Variants in EGFLAM observed in about 807,000 individuals in gnomAD.
EGFLAM encodes pikachurin.
EGFLAM carries 79 observed loss-of-function variants against 113.1 expected under a neutral mutation model. The observed-to-expected ratio is 0.70, with a 90% CI of 0.58 to 0.84. EGFLAM has a LOEUF of 0.84. Among genes scored for constraint, EGFLAM ranks in the 40% least tolerant of loss-of-function variants. The pLI, the probability that EGFLAM is intolerant of heterozygous loss-of-function variation, is 0.00. For synonymous variants in EGFLAM, 504 were observed against 487.6 expected, an observed-to-expected ratio of 1.03 and a Z score of -0.44; for missense variants, 1,265 against 1,291.6, an observed-to-expected ratio of 0.98 and a Z score of 0.32.
At chr5:38,428,661 C>G (rs931150077) in intron 14 of EGFLAM, among the ~76,000 whole-genome samples, 2 of 152,208 alleles carry the variant, frequency 1.3e-5, no homozygotes, top group Admixed American at 6.5e-5. Context: ...ATCAGCCCTC[C>G]TCCTGGACAG....
At chr5:38,271,730 C>A (rs1757769739) in intron 1 of EGFLAM, among the ~76,000 whole-genome samples, 1 of 152,164 alleles carries the variant, frequency 6.6e-6, no homozygotes, top group African/African-American at 2.4e-5. Flanking sequence ...CTCTCTTCTC[C>A]CTTTCTACTT....
intron 6 of EGFLAM, among the ~76,000 whole-genome samples, chr5:38,392,845 C>G (rs531797200): frequency 6.6e-6 from 1 of 152,272 alleles, no homozygotes; most frequent in African/African-American, 2.4e-5. Flanking sequence ...CCCCCTACCC[C>G]ACGACAGGCC....
At chr5:38,443,831 C>T (rs375674850) in intron 17 of EGFLAM, among the ~76,000 whole-genome samples, 5 of 148,156 alleles carry the variant, frequency 3.4e-5, no homozygotes, top group Admixed American at 6.8e-5. Context: ...AGTGCAGTGG[C>T]GTGATCTTGG....
chr5:38,445,024 G>C (rs1187103149), intron 17 of EGFLAM, among the ~76,000 whole-genome samples: 1 of 152,168 alleles, frequency 6.6e-6, no homozygotes, highest in Non-Finnish European at 1.5e-5. Context: ...GTCACTTCAA[G>C]CTCTGATGAT....
intron 1 of EGFLAM, among the ~76,000 whole-genome samples, chr5:38,279,995 T>G (rs1396533192): frequency 6.6e-6 from 1 of 152,152 alleles, no homozygotes; most frequent in Non-Finnish European, 1.5e-5. Context: ...CAATTTGATC[T>G]TTCAACTAAC....
intron 1 of EGFLAM, among the ~76,000 whole-genome samples, chr5:38,269,175 G>A (rs1436769381): frequency 6.6e-6 from 1 of 152,018 alleles, no homozygotes; most frequent in African/African-American, 2.4e-5. Flanking sequence ...GTGAGACCCT[G>A]CATCAACAGC....
At chr5:38,361,527 G>A (rs921929880) in intron 5 of EGFLAM, among the ~76,000 whole-genome samples, 1 of 152,158 alleles carries the variant, frequency 6.6e-6, no homozygotes, top group African/African-American at 2.4e-5. Context: ...TCTAGAGCAG[G>A]GGTGTCCAAT....
At position 38,427,128 on chromosome 5, in the gene EGFLAM, G is replaced by C. The variant is rs899757504; in HGVS notation, c.1930G>C (p.Asp644His). 2 of 1,613,970 alleles carry C rather than the reference G, an allele frequency of 1.2e-6. No homozygotes were observed. The highest frequency in any genetic ancestry group is 1.7e-6 in the Non-Finnish European group (2 of 1,180,022). ...GGAATTTGAGATCACATTTCGGCCAGACTCAGGAGATGGTGTCCTCCTGTA... is the reference window on the plus strand; with the variant it reads ...GGAATTTGAGATCACATTTCGGCCACACTCAGGAGATGGTGTCCTCCTGTA... ...FMEFEITFRP[D>H]SGDGVLLYSY... Residue 644 changes from aspartate to histidine, a missense_variant, in exon 14 of 22, where the codon GAC becomes CAC. By Grantham distance (81) the Asp-to-His change is moderately conservative (BLOSUM62 -1). Coordinates refer to ENST00000322350, the MANE Select transcript of EGFLAM (RefSeq NM_152403.4).
intron 14 of EGFLAM, chr5:38,430,056 C>A (rs1439817235): frequency 4.4e-6 from 1 of 227,118 alleles, no homozygotes; most frequent in East Asian, 1.1e-4. Flanking sequence ...GCTGTAGGGG[C>A]AATCTGACGT....
chr5:38,264,373 G>A (rs1460388558), intron 1 of EGFLAM, among the ~76,000 whole-genome samples: 1 of 152,138 alleles, frequency 6.6e-6, no homozygotes, highest in Non-Finnish European at 1.5e-5. Context: ...TATTTCTCTA[G>A]TGGTATAATC....
At chr5:38,294,246 C>T (rs960939821) in intron 1 of EGFLAM, among the ~76,000 whole-genome samples, 5 of 152,188 alleles carry the variant, frequency 3.3e-5, no homozygotes, top group Non-Finnish European at 5.9e-5. Flanking sequence ...ATGGCAATGA[C>T]AGAGGCAAAA....
chr5:38,427,523 A>C (rs1366427328), intron 14 of EGFLAM: 7 of 444,632 alleles, frequency 1.6e-5, no homozygotes, highest in Non-Finnish European at 2.7e-5. Context: ...GACTTGCTTC[A>C]GGTGGAGGTA....
chr5:38,455,995 G>A (rs2112278541), intron 19 of EGFLAM, among the ~76,000 whole-genome samples: 1 of 152,290 alleles, frequency 6.6e-6, no homozygotes, highest in Admixed American at 6.5e-5. Flanking sequence ...ACAGCTTGTT[G>A]GCTTACTTTC....
intron 7 of EGFLAM, 103 bp downstream of exon 7, chr5:38,406,344 G>A: frequency 1.0e-6 from 1 of 983,282 alleles, no homozygotes; most frequent in Non-Finnish European, 1.5e-6. Flanking sequence ...AAACTTAAAT[G>A]TGCCCATTTG....
Position 38,361,498 on chromosome 5 carries a change from C to T in EGFLAM, c.546-8798C>T, listed in dbSNP as rs192998734. Among the ~76,000 whole-genome samples the T allele has an allele frequency of 7.6e-4, 115 of 152,262 alleles. 1 individual carries two copies. Among genetic ancestry groups the T allele is most frequent in the African/African-American group, 2.4e-3 (98 of 41,548 alleles). On this transcript the variant is annotated intron_variant, in intron 5 of 21. Transcript: ENST00000322350. ...ATAGGTGCTGGTAAGCATTTGGACA[C>T]AGGCAGTCATGGGATTGATCTAGAG...
chr5:38,456,184 A>G (rs547235945), intron 19 of EGFLAM, among the ~76,000 whole-genome samples: 1 of 152,152 alleles, frequency 6.6e-6, no homozygotes, highest in African/African-American at 2.4e-5. Context: ...TGCTTCCTAC[A>G]TATGTCATGT....
intron 1 of EGFLAM, among the ~76,000 whole-genome samples, chr5:38,299,611 T>C (rs1758524428): frequency 6.6e-6 from 1 of 152,158 alleles, no homozygotes; most frequent in African/African-American, 2.4e-5. Context: ...TTTAAATCAT[T>C]AGTAGAAACT....
intron 3 of EGFLAM, among the ~76,000 whole-genome samples, chr5:38,344,351 T>A (rs1049775697): frequency 2.0e-5 from 3 of 152,076 alleles, no homozygotes; most frequent in African/African-American, 7.2e-5. Flanking sequence ...CCAGGCATGG[T>A]GGTGCACGCT....
At chr5:38,436,980 C>T (rs1579930353) in intron 16 of EGFLAM, among the ~76,000 whole-genome samples, 1 of 151,368 alleles carries the variant, frequency 6.6e-6, no homozygotes, top group African/African-American at 2.5e-5. Context: ...CCTCTTATAA[C>T]CCCTGGGCAG....
Sources: allele counts gnomAD v4.1 joint callset (sites outside exome capture counted in the v4.1 genomes callset), GRCh38; gene constraint gnomAD v4.1.1; transcripts MANE v1.5; gene names NCBI Gene and HGNC (gene_info 2026-07-23, HGNC 2026-07-21).